The following PIK3CA variants were observed in gnomAD, a reference collection of about 807,000 sequenced individuals.
The protein encoded by PIK3CA is phosphatidylinositol-4,5-bisphosphate 3-kinase catalytic subunit alpha, also known as phosphatidylinositol 4,5-bisphosphate 3-kinase catalytic subunit alpha isoform.
A neutral mutation model predicts 138.2 loss-of-function variants in PIK3CA; 27 were observed. That is an observed-to-expected ratio of 0.20 (90% CI 0.14 to 0.27). PIK3CA has a LOEUF of 0.27. Ranked by LOEUF, PIK3CA falls within the 10% of genes least tolerant of loss-of-function variation. The pLI, the probability that PIK3CA is intolerant of heterozygous loss-of-function variation, is 1.00. For synonymous variants in PIK3CA, 358 were observed against 413.2 expected (o/e 0.87, Z 1.62); for missense variants, 544 against 1,277.4 (o/e 0.43, Z 8.75).
chr3:179,174,979 TAG>T (rs1723660126), intron 1 of PIK3CA, among the ~76,000 whole-genome samples: 1 of 152,230 alleles, frequency 6.6e-6, no homozygotes, highest in African/African-American at 2.4e-5. Flanking sequence ...ATATCCTTCA[TAG>T]AGCCTTCAGT....
intron 20 of PIK3CA, chr3:179,233,351 C>T (rs1212491938): frequency 5.0e-6 from 2 of 397,946 alleles, no homozygotes; most frequent in Non-Finnish European, 8.9e-6. Flanking sequence ...GGGTTTGTCA[C>T]ATGACTTTTA....
At chr3:179,211,061 G>T (rs1461398711) in intron 9 of PIK3CA, among the ~76,000 whole-genome samples, 1 of 151,802 alleles carries the variant, frequency 6.6e-6, no homozygotes, top group Admixed American at 6.5e-5. Flanking sequence ...TTGTCCAGAA[G>T]TATCAAAAAA....
chr3:179,215,654 T>A (rs909545983), intron 9 of PIK3CA, among the ~76,000 whole-genome samples: 4 of 152,180 alleles, frequency 2.6e-5, no homozygotes, highest in African/African-American at 9.7e-5. Context: ...TTGCATCATC[T>A]TTCCAGAAGT....
intron 9 of PIK3CA, 71 bp downstream of exon 9, chr3:179,210,636 G>A: frequency 6.9e-7 from 1 of 1,448,218 alleles, no homozygotes; most frequent in Non-Finnish European, 9.5e-7. Context: ...TTTCTCTATG[G>A]AAAAGGATCC....
chr3:179,165,273 T>C (rs1475009959), intron 1 of PIK3CA, among the ~76,000 whole-genome samples: 1 of 152,206 alleles, frequency 6.6e-6, no homozygotes, highest in Non-Finnish European at 1.5e-5. Flanking sequence ...ATGACCTATA[T>C]TGATGCTTCT....
intron 1 of PIK3CA, among the ~76,000 whole-genome samples, chr3:179,164,826 G>A (rs939941182): frequency 6.6e-5 from 10 of 151,596 alleles, no homozygotes; most frequent in Non-Finnish European, 1.0e-4. Context: ...CCAAGATTGC[G>A]CCATTGTACT....
rs878940706 is a variant in PIK3CA, at chr3:179,238,420, G to A, written c.*4056G>A. 2 of 220,322 alleles carry A rather than the reference G, an allele frequency of 9.1e-6. No homozygotes were observed. Among genetic ancestry groups the A allele is most frequent in the South Asian group, 3.7e-4 (2 of 5,416 alleles). 13.6% of individuals were successfully genotyped at this position (220,322 alleles called of 1,614,324 possible). A position where few individuals can be genotyped will look rare whatever the true frequency, so the allele number is the denominator to read the frequency against. The stretch of plus-strand genomic sequence containing the variant: ...AAAAATTATTTTTACTGTATGAAAA[G>A]ATCATGGGGTTTAGCTCAAAATATC... On this transcript the variant is annotated 3_prime_UTR_variant, in exon 21 of 21. Coordinates refer to ENST00000263967, the MANE Select transcript of PIK3CA (RefSeq NM_006218.4).
chr3:179,161,155 C>T (rs975660301), intron 1 of PIK3CA, among the ~76,000 whole-genome samples: 4 of 152,174 alleles, frequency 2.6e-5, no homozygotes, highest in African/African-American at 7.2e-5. Flanking sequence ...GGAAGTGCTG[C>T]TTCTCCACAC....
intron 14 of PIK3CA, 144 bp from the exon 15 acceptor site, chr3:179,223,937 C>T (rs1427099841): frequency 2.1e-6 from 1 of 467,056 alleles, no homozygotes; most frequent in African/African-American, 1.9e-5. Context: ...TTGTAGAAAC[C>T]CTCTTAATTA....
At chr3:179,161,735 T>G (rs1723286677) in intron 1 of PIK3CA, among the ~76,000 whole-genome samples, 1 of 152,136 alleles carries the variant, frequency 6.6e-6, no homozygotes, top group Non-Finnish European at 1.5e-5. Flanking sequence ...GAAAGTCCAG[T>G]GGTCACAGGA....
At chr3:179,153,953 A>G (rs1215866859) in intron 1 of PIK3CA, among the ~76,000 whole-genome samples, 2 of 152,226 alleles carry the variant, frequency 1.3e-5, no homozygotes, top group African/African-American at 4.8e-5. Context: ...TGGATATACT[A>G]ATATTTTATC....
intron 3 of PIK3CA, 26 bp downstream of exon 3, chr3:179,199,925 A>G: frequency 7.4e-7 from 1 of 1,352,372 alleles, no homozygotes; most frequent in East Asian, 2.3e-5. Context: ...ATCTACTCTA[A>G]TCATTACTAT....
intron 1 of PIK3CA, among the ~76,000 whole-genome samples, chr3:179,191,746 C>T (rs1206015706): frequency 6.6e-6 from 1 of 152,120 alleles, no homozygotes; most frequent in Non-Finnish European, 1.5e-5. Flanking sequence ...AAACAATTCT[C>T]TTGCCTCAGC....
intron 1 of PIK3CA, among the ~76,000 whole-genome samples, chr3:179,197,966 A>G (rs1195488420): frequency 6.6e-6 from 1 of 152,228 alleles, no homozygotes; most frequent in African/African-American, 2.4e-5. Context: ...ACTAACAGAG[A>G]GAGTCATGGA....
chr3:179,231,770 G>A (rs1404694577), intron 20 of PIK3CA, among the ~76,000 whole-genome samples: 1 of 148,286 alleles, frequency 6.7e-6, no homozygotes, highest in Non-Finnish European at 1.5e-5. Context: ...AGCCTCCCAA[G>A]TAGCTGGGAC....
In PIK3CA at chr3:179,237,300, T is replaced by G. The variant is rs1725351116; in HGVS notation, c.*2936T>G. 5.1e-6 allele frequency: 1 copy of G among 195,510 alleles called. No individual in the cohort carries two copies. The highest frequency in any genetic ancestry group is 1.1e-5 in the Non-Finnish European group (1 of 94,022). 12.1% of individuals were successfully genotyped at this position (195,510 alleles called of 1,614,324 possible). On this transcript the variant is annotated 3_prime_UTR_variant, in exon 21 of 21. Coordinates refer to ENST00000263967, the MANE Select transcript of PIK3CA (RefSeq NM_006218.4). ...TAGAACCTAAGCTTTTTGTGGTTCT[T>G]AGTGTCCTATGTAAAACTTAGTGTC... is the stretch of plus-strand genomic sequence containing the variant.
intron 1 of PIK3CA, among the ~76,000 whole-genome samples, chr3:179,175,696 T>G (rs1394547753): frequency 6.9e-6 from 1 of 144,538 alleles, no homozygotes; most frequent in Non-Finnish European, 1.5e-5. Context: ...AACTTTAACT[T>G]CAAACATTTG....
intron 1 of PIK3CA, among the ~76,000 whole-genome samples, chr3:179,161,022 C>A (rs148974719): frequency 2.0e-5 from 3 of 152,174 alleles, no homozygotes; most frequent in Non-Finnish European, 4.4e-5. Context: ...TTGCATCAGA[C>A]CTTCCCTTCT....
At chr3:179,172,233 A>G (rs369712072) in intron 1 of PIK3CA, among the ~76,000 whole-genome samples, 43 of 152,182 alleles carry the variant, frequency 2.8e-4, no homozygotes, top group South Asian at 2.5e-3. Flanking sequence ...ATTGAAGGCA[A>G]CTTCCTCAAC....
Sources: gnomAD v4.1 joint callset for allele counts (sites outside exome capture counted in the v4.1 genomes callset) on GRCh38, gnomAD v4.1.1 for gene constraint, MANE v1.5 for transcripts, NCBI Gene and HGNC (gene_info 2026-07-23, HGNC 2026-07-21) for gene names.